The following NFE2L3 variants were observed in gnomAD, a reference collection of about 807,000 sequenced individuals.
NFE2L3 encodes NFE2 like bZIP transcription factor 3, also known as nuclear factor erythroid 2-related factor 3.
Under a neutral mutation model 23.5 loss-of-function variants are expected in NFE2L3, and 18 were observed. The observed-to-expected ratio is 0.77, with a 90% CI of 0.53 to 1.13. NFE2L3 has a LOEUF of 1.13. Among genes scored for constraint, NFE2L3 ranks in the 50% most tolerant of loss-of-function variants. The pLI is 0.00. For missense variants in NFE2L3, 1,152 were observed against 877.2 expected, an observed-to-expected ratio of 1.31 and a Z score of -3.96; for synonymous variants, 424 against 354.5, an observed-to-expected ratio of 1.20 and a Z score of -2.20.
At chr7:26,175,597 G>A (rs1463064187) in intron 1 of NFE2L3, among the ~76,000 whole-genome samples, 4 of 151,904 alleles carry the variant, frequency 2.6e-5, no homozygotes, top group East Asian at 1.9e-4. Context: ...CTAACATGGT[G>A]AAACCCTGTG....
intron 2 of NFE2L3, 57 bp downstream of exon 2, chr7:26,178,179 GCATTGACAGTTTGTGT>G: frequency 6.7e-7 from 1 of 1,492,406 alleles, no homozygotes; most frequent in South Asian, 1.3e-5. Context: ...AGATTTTGTG[GCATTGACAGTTTGTGT>G]CAAGAATGAG....
At chr7:26,175,302 G>A (rs897663992) in intron 1 of NFE2L3, among the ~76,000 whole-genome samples, 8 of 152,138 alleles carry the variant, frequency 5.3e-5, no homozygotes, top group Non-Finnish European at 8.8e-5. Context: ...GGAGCCTGCC[G>A]TGAGCCGAGA....
rs1414388284 is a variant in NFE2L3 at position 26,184,701 on chromosome 7, ACTT to A, written c.1005_1007del (p.Ser336del). On this transcript the variant is annotated inframe_deletion, in exon 4 of 4. Transcript: ENST00000056233. Reference sequence around the variant, plus strand: ...ATTTAGAAGAGATCCAACAGCAAGGACTTCACAGTCACAAGAACCATTTCTGCA... The same window carrying A: ...ATTTAGAAGAGATCCAACAGCAAGGACACAGTCACAAGAACCATTTCTGCA... 6.2e-7 allele frequency: 1 copy of A among 1,613,938 alleles called. No homozygotes were observed. Among genetic ancestry groups the A allele is most frequent in the East Asian group, 2.2e-5 (1 of 44,872 alleles).
Position 26,172,771 on chromosome 7 carries a change from G to T in NFE2L3, c.571-5172G>T, listed in dbSNP as rs150190648. On this transcript the variant is annotated intron_variant, in intron 1 of 3. Coordinates refer to ENST00000056233, the MANE Select transcript of NFE2L3 (RefSeq NM_004289.7). ...TGTGTCCTCCATATCAGGAGACCAC[G>T]ATGTTGGTTTAACTTCGTATTTTGA... Among the ~76,000 whole-genome samples, 379 of 152,278 alleles carry T rather than the reference G, an allele frequency of 2.5e-3. 2 individuals carry two copies. The highest frequency in any genetic ancestry group is 7.7e-3 in the African/African-American group (318 of 41,554).
chr7:26,153,208 C>A, intron 1 of NFE2L3, 140 bp downstream of exon 1: 1 of 809,778 alleles, frequency 1.2e-6, no homozygotes, highest in Non-Finnish European at 1.8e-6. Context: ...TTCGCAGATG[C>A]TGCTGCTCTG....
At chr7:26,177,275 C>G (rs912170790) in intron 1 of NFE2L3, among the ~76,000 whole-genome samples, 2 of 152,210 alleles carry the variant, frequency 1.3e-5, no homozygotes, top group African/African-American at 4.8e-5. Flanking sequence ...TGTAGCGAGC[C>G]GAGATCATGC....
chr7:26,164,049 T>A (rs536879414), intron 1 of NFE2L3, among the ~76,000 whole-genome samples: 37 of 152,332 alleles, frequency 2.4e-4, no homozygotes, highest in African/African-American at 8.4e-4. Context: ...CTTAATCCAG[T>A]CTATCATTGT....
Position 26,152,852 on chromosome 7 carries a change from C to T in NFE2L3, c.354C>T (p.Ala118=), listed in dbSNP as rs752868178. The part of the protein sequence containing the change: ...VDAWLVHSVA[A]GSADEAHGLL... ...CATGGCTGGTGCACAGCGTGGCTGC[C>T]GGGAGCGCGGACGAGGCCCACGGGC... Residue 118 remains alanine (A), a synonymous_variant, in exon 1 of 4, where the codon GCC becomes GCT. Transcript: ENST00000056233. The surrounding 1 kb of genome is among the most constrained non-coding windows in gnomAD (Gnocchi z 4.4). 4.1e-6 allele frequency: 6 copies of T among 1,472,944 alleles called. No individual in the cohort carries two copies. The highest frequency in any genetic ancestry group is 4.5e-6 in the Non-Finnish European group (5 of 1,119,870). The allele number at this position is 1,472,944 out of a possible 1,614,324, so 91.2% of individuals were successfully genotyped here.
At chr7:26,156,697 G>C (rs755106399) in intron 1 of NFE2L3, among the ~76,000 whole-genome samples, 2 of 152,236 alleles carry the variant, frequency 1.3e-5, no homozygotes, top group African/African-American at 2.4e-5. Context: ...ATTTCAGAGA[G>C]CTGTTGCCAC....
At chr7:26,182,470 A>G (rs116969419) in intron 2 of NFE2L3, among the ~76,000 whole-genome samples, 2,844 of 145,362 alleles carry the variant, frequency 0.02, 42 homozygotes, top group Middle Eastern at 0.034. Flanking sequence ...CTAAAAATAT[A>G]AAAATTGGCC....
chr7:26,154,193 A>G (rs974708954), intron 1 of NFE2L3, among the ~76,000 whole-genome samples: 9 of 152,090 alleles, frequency 5.9e-5, no homozygotes, highest in Non-Finnish European at 4.4e-5. Flanking sequence ...ACCGGAACCA[A>G]TGGGGTGGGG....
In NFE2L3 at chr7:26,185,744, A is replaced by G. The variant is rs1782467451; in HGVS notation, c.2046A>G (p.Ser682=). The change falls in exon 4 of 4, where the codon TCA becomes TCG. Residue 682 remains serine (S), a synonymous_variant. Transcript: ENST00000056233. ...ILIVPKELVA[S]GHKKETQKGK... ...TAGTACCCAAAGAACTGGTGGCCTCAGGCCACAAAAAGGAAACCCAAAAGG... is the reference window on the plus strand; with the variant it reads ...TAGTACCCAAAGAACTGGTGGCCTCGGGCCACAAAAAGGAAACCCAAAAGG... 5.7e-6 allele frequency: 9 copies of G among 1,587,930 alleles called. No individual in the cohort carries two copies. The highest frequency in any genetic ancestry group is 7.7e-6 in the Non-Finnish European group (9 of 1,173,510).
chr7:26,184,517 C>A lies in NFE2L3; in HGVS notation c.835-16C>A, dbSNP rs1468975050. On this transcript the variant is annotated splice_polypyrimidine_tract_variant and intron_variant, in intron 3 of 3. Transcript: ENST00000056233. ...AGGGCTATTCATGTTTGAAGTGTTT[C>A]TCCTTCGTTTTTCAGGGCATCTCAT... 3 of 1,592,056 alleles carry A rather than the reference C, an allele frequency of 1.9e-6. No individual in the cohort carries two copies. Among genetic ancestry groups the A allele is most frequent in the African/African-American group, 1.3e-5 (1 of 74,276 alleles).
rs866237755 is a variant in NFE2L3, at chr7:26,176,988, C to T, written c.571-955C>T. 1.6e-3 allele frequency among the ~76,000 whole-genome samples: 58 copies of T among 35,768 alleles called. 1 individual carries two copies. Among genetic ancestry groups the T allele is most frequent in the South Asian group, 2.7e-3 (2 of 736 alleles). 23.5% of individuals were successfully genotyped at this position (35,768 alleles called of 152,430 possible). A position where few individuals can be genotyped will look rare whatever the true frequency, so the allele number is the denominator to read the frequency against. On this transcript the variant is annotated intron_variant, in intron 1 of 3. Coordinates refer to ENST00000056233, the MANE Select transcript of NFE2L3 (RefSeq NM_004289.7). ...GTGGCAGCCGGGCAGAGGCGCTCCTCACATCCCAGACGGGGTGGCCGGGCA... is the reference window on the plus strand; with the variant it reads ...GTGGCAGCCGGGCAGAGGCGCTCCTTACATCCCAGACGGGGTGGCCGGGCA...
chr7:26,185,701 A>G lies in NFE2L3; in HGVS notation c.2003A>G (p.His668Arg). 2 of 1,613,818 alleles carry G rather than the reference A, an allele frequency of 1.2e-6. No homozygotes were observed. The highest frequency in any genetic ancestry group is 2.2e-5 in the East Asian group (1 of 44,884). The change falls in exon 4 of 4, where the codon CAT becomes CGT. Residue 668 changes from histidine to arginine, a missense_variant. His to Arg is a conservative substitution (Grantham distance 29). Coordinates refer to ENST00000056233, the MANE Select transcript of NFE2L3 (RefSeq NM_004289.7). ...AACCACTATGCTCTCCAGTGTACCCATGATGGAAGTATCTTGATAGTACCC... is the reference window on the plus strand; with the variant it reads ...AACCACTATGCTCTCCAGTGTACCCGTGATGGAAGTATCTTGATAGTACCC... Reference protein sequence around the residue: ...NPNHYALQCTHDGSILIVPKE... With the variant: ...NPNHYALQCTRDGSILIVPKE...
chr7:26,172,799 A>G (rs931916474), intron 1 of NFE2L3, among the ~76,000 whole-genome samples: 1 of 152,158 alleles, frequency 6.6e-6, no homozygotes, highest in Admixed American at 6.5e-5. Context: ...TATTTTGATG[A>G]TAGAGTTGAC....
intron 2 of NFE2L3, among the ~76,000 whole-genome samples, chr7:26,182,761 T>C (rs1014990036): frequency 6.6e-6 from 1 of 151,902 alleles, no homozygotes; most frequent in African/African-American, 2.4e-5. Flanking sequence ...AAATTGGTTT[T>C]AAAAAAACAA....
chr7:26,158,426 T>C (rs987268761), intron 1 of NFE2L3, among the ~76,000 whole-genome samples: 1 of 152,176 alleles, frequency 6.6e-6, no homozygotes, highest in Admixed American at 6.5e-5. Flanking sequence ...ACAATCACCA[T>C]CTTCCTTCCA....
chr7:26,171,030 A>G (rs548379678), intron 1 of NFE2L3, among the ~76,000 whole-genome samples: 71 of 152,356 alleles, frequency 4.7e-4, no homozygotes, highest in African/African-American at 1.5e-3. Flanking sequence ...GTTTTCATCT[A>G]TCAGATTGGC....
Sources: allele counts gnomAD v4.1 joint callset (sites outside exome capture counted in the v4.1 genomes callset), GRCh38; gene constraint gnomAD v4.1.1; non-coding constraint Gnocchi (gnomAD v3.1); transcripts MANE v1.5; gene names NCBI Gene and HGNC (gene_info 2026-07-23, HGNC 2026-07-21).